The following ROBO1 variants were observed in gnomAD, a reference collection of about 807,000 sequenced individuals.
The protein encoded by ROBO1 is roundabout homolog 1.
ROBO1 carries 149 observed loss-of-function variants against 195.9 expected under a neutral mutation model. That is an observed-to-expected ratio of 0.76 (90% CI 0.67 to 0.87). The LOEUF (loss-of-function observed/expected upper bound fraction) is 0.87. Among genes scored for constraint, ROBO1 ranks in the 40% least tolerant of loss-of-function variants. The pLI, the probability that ROBO1 is intolerant of heterozygous loss-of-function variation, is 0.00. For synonymous variants in ROBO1, 816 were observed against 733.2 expected (o/e 1.11, Z -1.82); for missense variants, 1,933 against 2,068.3 (o/e 0.93, Z 1.27).
intron 1 of ROBO1, among the ~76,000 whole-genome samples, chr3:79,685,961 C>A (rs1947095115): frequency 1.3e-5 from 2 of 152,108 alleles, no homozygotes; most frequent in African/African-American, 2.4e-5. Context: ...AAAGCCAATG[C>A]AAAAATCCTC....
At chr3:79,660,522 A>G (rs1201824331) in intron 1 of ROBO1, among the ~76,000 whole-genome samples, 2 of 152,062 alleles carry the variant, frequency 1.3e-5, no homozygotes, top group African/African-American at 4.8e-5. Context: ...CATGATATCC[A>G]AAGAGGAAAC....
At chr3:79,420,152 A>G (rs1250383856) in intron 2 of ROBO1, among the ~76,000 whole-genome samples, 1 of 152,202 alleles carries the variant, frequency 6.6e-6, no homozygotes, top group Non-Finnish European at 1.5e-5. Context: ...CAGGTGTTTC[A>G]GAATTCATGA....
intron 8 of ROBO1, among the ~76,000 whole-genome samples, chr3:78,707,785 C>T (rs984139): frequency 0.73 from 111,525 of 152,010 alleles, 41,186 homozygotes; most frequent in Middle Eastern, 0.81. Flanking sequence ...GGGGTGTGAA[C>T]TGAGATCTAA....
chr3:78,728,117 C>T (rs1240748698), intron 5 of ROBO1, among the ~76,000 whole-genome samples: 1 of 152,034 alleles, frequency 6.6e-6, no homozygotes, highest in East Asian at 1.9e-4. Flanking sequence ...GCTATTGATT[C>T]TTGCTTCATT....
chr3:79,571,854 ATT>A (rs977005099), intron 2 of ROBO1, among the ~76,000 whole-genome samples: 7 of 152,124 alleles, frequency 4.6e-5, no homozygotes, highest in Admixed American at 4.6e-4. Context: ...TTCATTGAGC[ATT>A]CTATTTTTTC....
chr3:79,416,857 T>C (rs2038026188), intron 2 of ROBO1, among the ~76,000 whole-genome samples: 1 of 152,168 alleles, frequency 6.6e-6, no homozygotes, highest in Non-Finnish European at 1.5e-5. Context: ...AAAGGATACA[T>C]TTATTCCTAT....
chr3:79,097,708 GCAT>G (rs2079596443), intron 3 of ROBO1, among the ~76,000 whole-genome samples: 3 of 151,660 alleles, frequency 2.0e-5, no homozygotes, highest in Non-Finnish European at 4.4e-5. Flanking sequence ...TGGAAAAAAA[GCAT>G]CATTAAGCAA....
chr3:79,724,801 A>G (rs1702848171), intron 1 of ROBO1, among the ~76,000 whole-genome samples: 1 of 152,190 alleles, frequency 6.6e-6, no homozygotes, highest in African/African-American at 2.4e-5. Context: ...TTAAGCCACA[A>G]AGTTTTGGGG....
chr3:79,400,962 T>G (rs966692762), intron 2 of ROBO1, among the ~76,000 whole-genome samples: 1 of 151,862 alleles, frequency 6.6e-6, no homozygotes, highest in Non-Finnish European at 1.5e-5. Context: ...CATTAAAAAT[T>G]ACTAATTACT....
intron 2 of ROBO1, among the ~76,000 whole-genome samples, chr3:79,182,672 G>A (rs1219856047): frequency 2.0e-5 from 3 of 152,108 alleles, no homozygotes; most frequent in Non-Finnish European, 4.4e-5. Flanking sequence ...GACATATAAA[G>A]AGGAGCAGAC....
intron 2 of ROBO1, among the ~76,000 whole-genome samples, chr3:79,354,117 C>G (rs1577013359): frequency 6.6e-6 from 1 of 152,152 alleles, no homozygotes; most frequent in East Asian, 1.9e-4. Context: ...GCTGCTGCCA[C>G]ATCTAATACT....
intron 3 of ROBO1, among the ~76,000 whole-genome samples, chr3:79,080,165 A>G (rs1215956103): frequency 1.3e-5 from 2 of 151,978 alleles, no homozygotes; most frequent in Non-Finnish European, 2.9e-5. Context: ...TGCATTATAC[A>G]TATTATTTAA....
intron 1 of ROBO1, among the ~76,000 whole-genome samples, chr3:79,683,881 T>C (rs1947023189): frequency 1.3e-5 from 2 of 152,130 alleles, no homozygotes; most frequent in East Asian, 3.9e-4. Context: ...TCTAATATAT[T>C]TTAATTATGA....
chr3:79,458,092 T>A (rs929711919), intron 2 of ROBO1, among the ~76,000 whole-genome samples: 1 of 151,828 alleles, frequency 6.6e-6, no homozygotes, highest in Non-Finnish European at 1.5e-5. Context: ...AAGAAAAGCA[T>A]CCTCACAGAT....
intron 2 of ROBO1, among the ~76,000 whole-genome samples, chr3:79,137,276 GA>G (rs1351763021): frequency 7.9e-5 from 12 of 151,614 alleles, no homozygotes. Context: ...ATAGTTTTGG[GA>G]AAAGAAAAAA....
At position 78,938,667 on chromosome 3, in the gene ROBO1, A is replaced by G. The variant is rs775884169; in HGVS notation, c.433T>C (p.Tyr145His). 1 of 1,614,006 alleles carries G rather than the reference A, an allele frequency of 6.2e-7. No homozygotes were observed. The highest frequency in any genetic ancestry group is 1.3e-5 in the African/African-American group (1 of 75,034). ...GRKSRPDEGV[Y>H]VCVARNYLGE... is the part of the protein sequence containing the mutation. ...AGGTAATTCCTTGCTACACAGACAT[A>G]GACTCCTTCATCAGGTCTACTTTTC... The change falls in exon 4 of 31, where the codon TAT becomes CAT. Residue 145 changes from tyrosine (Y) to histidine (H), a missense_variant. By Grantham distance (83) the Tyr-to-His change is moderately conservative (BLOSUM62 2). Coordinates refer to ENST00000464233, the MANE Select transcript of ROBO1 (RefSeq NM_002941.4).
intron 1 of ROBO1, among the ~76,000 whole-genome samples, chr3:79,675,417 A>T (rs528817694): frequency 6.6e-6 from 1 of 152,170 alleles, no homozygotes; most frequent in Non-Finnish European, 1.5e-5. Flanking sequence ...GATGATAAAG[A>T]TGTCAGAGAA....
At chr3:79,569,321 A>C (rs1260923101) in intron 2 of ROBO1, among the ~76,000 whole-genome samples, 1 of 152,226 alleles carries the variant, frequency 6.6e-6, no homozygotes, top group Non-Finnish European at 1.5e-5. Flanking sequence ...AAACATTACT[A>C]ATAGCTTTTA....
chr3:79,233,690 T>C (rs1404249349), intron 2 of ROBO1, among the ~76,000 whole-genome samples: 1 of 152,150 alleles, frequency 6.6e-6, no homozygotes, highest in Non-Finnish European at 1.5e-5. Flanking sequence ...TCTTTTCTCA[T>C]TGGTATCCAT....
Sources: gnomAD v4.1 joint callset for allele counts (sites outside exome capture counted in the v4.1 genomes callset) on GRCh38, gnomAD v4.1.1 for gene constraint, MANE v1.5 for transcripts, NCBI Gene and HGNC (gene_info 2026-07-23, HGNC 2026-07-21) for gene names.